Variants in GPR158 observed in about 807,000 individuals in gnomAD.
The protein encoded by GPR158 is G protein-coupled receptor 158.
In GPR158, 30 loss-of-function variants were observed where a neutral mutation model predicts 78.2. The ratio of observed to expected loss-of-function variants is 0.38; its 90% CI spans 0.29 to 0.52. The LOEUF is 0.52. Among genes scored for constraint, GPR158 ranks in the 20% least tolerant of loss-of-function variants. GPR158 has a pLI of 0.83. For missense variants in GPR158, 1,463 were observed against 1,523.5 expected (o/e 0.96, Z 0.66); for synonymous variants, 581 against 591.1 (o/e 0.98, Z 0.25).
chr10:25,545,897 C>T (rs765293432), intron 5 of GPR158, among the ~76,000 whole-genome samples: 5 of 152,064 alleles, frequency 3.3e-5, no homozygotes, highest in African/African-American at 4.8e-5. Context: ...TGCCCTCGTG[C>T]GCCTTTATAA....
chr10:25,204,642 G>A (rs1852990314), intron 1 of GPR158, among the ~76,000 whole-genome samples: 1 of 152,052 alleles, frequency 6.6e-6, no homozygotes, highest in African/African-American at 2.4e-5. Context: ...ATGTCCTGTT[G>A]GATTCGGTTT....
At chr10:25,461,339 G>T (rs1285436003) in intron 4 of GPR158, among the ~76,000 whole-genome samples, 3 of 152,210 alleles carry the variant, frequency 2.0e-5, no homozygotes. Flanking sequence ...GTGAACACAT[G>T]TATGATAAGA....
At chr10:25,372,479 C>A (rs1038898425) in intron 2 of GPR158, among the ~76,000 whole-genome samples, 1 of 144,078 alleles carries the variant, frequency 6.9e-6, no homozygotes, top group Non-Finnish European at 1.5e-5. Flanking sequence ...CAATGATAGA[C>A]TGGATTAAGA....
At chr10:25,541,334 G>C (rs796940174) in intron 5 of GPR158, among the ~76,000 whole-genome samples, 5 of 151,886 alleles carry the variant, frequency 3.3e-5, no homozygotes, top group African/African-American at 9.6e-5. Flanking sequence ...TACCAATTCT[G>C]TGTCTTGTGA....
At chr10:25,196,560 T>G (rs970370161) in intron 1 of GPR158, among the ~76,000 whole-genome samples, 1 of 152,206 alleles carries the variant, frequency 6.6e-6, no homozygotes, top group Non-Finnish European at 1.5e-5. Flanking sequence ...TAAAGTTAGG[T>G]GGGACGTATC....
intron 6 of GPR158, among the ~76,000 whole-genome samples, chr10:25,555,274 T>C (rs1390796048): frequency 6.6e-6 from 1 of 152,052 alleles, no homozygotes. Flanking sequence ...CATTGGTAGC[T>C]TGATGGGGAT....
At chr10:25,271,092 AC>A (rs1588768293) in intron 2 of GPR158, among the ~76,000 whole-genome samples, 1 of 152,100 alleles carries the variant, frequency 6.6e-6, no homozygotes, top group East Asian at 1.9e-4. Flanking sequence ...ACCTCAGGAC[AC>A]CTATGTGCCC....
At chr10:25,200,657 T>A (rs1474512954) in intron 1 of GPR158, among the ~76,000 whole-genome samples, 1 of 152,154 alleles carries the variant, frequency 6.6e-6, no homozygotes, top group Non-Finnish European at 1.5e-5. Context: ...TTTACTGATC[T>A]TGAATTGATT....
At chr10:25,593,612 A>C (rs934106929) in intron 8 of GPR158, among the ~76,000 whole-genome samples, 4 of 152,030 alleles carry the variant, frequency 2.6e-5, no homozygotes, top group Non-Finnish European at 5.9e-5. Flanking sequence ...ACTAGAGTAG[A>C]CCTTAGTATT....
Position 25,589,069 on chromosome 10 carries a change from G to A in GPR158, c.1816G>A (p.Ala606Thr), listed in dbSNP as rs1408350427. Residue 606 changes from alanine (A) to threonine (T), a missense_variant, in exon 8 of 11, where the codon GCA (alanine) becomes ACA (threonine). Ala to Thr is a moderately conservative substitution (Grantham distance 58). Coordinates refer to ENST00000376351, the MANE Select transcript of GPR158 (RefSeq NM_020752.3). Reference sequence around the variant, plus strand: ...CTATGCAGTGCGGACAGTCCCATCGGCATTCCATGAGCCCCGCTATATGGC... The same window carrying A: ...CTATGCAGTGCGGACAGTCCCATCGACATTCCATGAGCCCCGCTATATGGC... ...LCYAVRTVPS[A>T]FHEPRYMAVA... 1 of 1,611,584 alleles carries A rather than the reference G, an allele frequency of 6.2e-7. No individual in the cohort carries two copies. Among genetic ancestry groups the A allele is most frequent in the Admixed American group, 1.7e-5 (1 of 60,000 alleles).
intron 1 of GPR158, among the ~76,000 whole-genome samples, chr10:25,182,848 T>C (rs1233630947): frequency 1.3e-5 from 2 of 152,230 alleles, no homozygotes; most frequent in East Asian, 3.8e-4. Context: ...CTCTGTTCAG[T>C]GCTGATTTGG....
chr10:25,431,790 A>G (rs1257677716), intron 4 of GPR158, among the ~76,000 whole-genome samples: 1 of 152,128 alleles, frequency 6.6e-6, no homozygotes, highest in East Asian at 1.9e-4. Context: ...ATTCTCACTC[A>G]TATGTGGGAA....
At chr10:25,522,658 A>G (rs576084759) in intron 5 of GPR158, among the ~76,000 whole-genome samples, 2 of 152,364 alleles carry the variant, frequency 1.3e-5, no homozygotes, top group East Asian at 3.9e-4. Context: ...TACAAGTTTG[A>G]AAACTCACAA....
At position 25,212,876 on chromosome 10, in the gene GPR158, C is replaced by T. The variant is rs537857966; in HGVS notation, c.903-8176C>T. On this transcript the variant is annotated intron_variant, in intron 1 of 10. Transcript: ENST00000376351. Reference sequence around the variant, plus strand: ...CGAACTCCTGACCTTGTGATCCACCCGCCTTGGCCTCCCAAAGTGCTGGGA... The same window carrying T: ...CGAACTCCTGACCTTGTGATCCACCTGCCTTGGCCTCCCAAAGTGCTGGGA... Among the ~76,000 whole-genome samples, 37 of 152,186 alleles carry T rather than the reference C, an allele frequency of 2.4e-4. No homozygotes were observed. The East Asian group carries it at 3.7e-3, about 15-fold the overall frequency.
chr10:25,430,841 C>T (rs1221892964), intron 4 of GPR158, among the ~76,000 whole-genome samples: 3 of 151,698 alleles, frequency 2.0e-5, no homozygotes, highest in Non-Finnish European at 1.5e-5. Flanking sequence ...CCCTTCCTTA[C>T]ACCTTATACA....
chr10:25,180,448 T>G (rs1852598982), intron 1 of GPR158, among the ~76,000 whole-genome samples: 1 of 152,186 alleles, frequency 6.6e-6, no homozygotes, highest in Non-Finnish European at 1.5e-5. Flanking sequence ...CTGATTTCTA[T>G]CTCTTGATTC....
intron 3 of GPR158, among the ~76,000 whole-genome samples, chr10:25,396,879 G>A (rs921381703): frequency 5.3e-5 from 8 of 152,276 alleles, no homozygotes; most frequent in African/African-American, 1.9e-4. Flanking sequence ...AGGATTGTTG[G>A]AAGAATTCAG....
At position 25,599,321 on chromosome 10, in the gene GPR158, G is replaced by T; in HGVS notation, c.*47G>T. On this transcript the variant is annotated 3_prime_UTR_variant, in exon 11 of 11. Coordinates refer to ENST00000376351, the MANE Select transcript of GPR158 (RefSeq NM_020752.3). ...AAGGAGGGAACCCCGGATTGGATAT[G>T]AGACAGAAGATATAAGAATCAAATA... The T allele has an allele frequency of 7.6e-7, 1 of 1,310,582 alleles. No individual in the cohort carries two copies. Among genetic ancestry groups the T allele is most frequent in the South Asian group, 1.3e-5 (1 of 76,554 alleles). 81.2% of individuals were successfully genotyped at this position (1,310,582 alleles called of 1,614,324 possible). A position where few individuals can be genotyped will look rare whatever the true frequency, so the allele number is the denominator to read the frequency against.
Position 25,584,273 on chromosome 10 carries a change from C to A in GPR158, c.1754-4734C>A, listed in dbSNP as rs747678027. 8.6e-4 allele frequency among the ~76,000 whole-genome samples: 131 copies of A among 152,322 alleles called. 1 individual carries two copies. The highest frequency in any genetic ancestry group is 3.4e-3 in the Middle Eastern group (1 of 294). ...AACACCGCAAATTTGGTAACATCTGCATATTTTCTTTACTAATTGCAGTGC... is the reference window on the plus strand; with the variant it reads ...AACACCGCAAATTTGGTAACATCTGAATATTTTCTTTACTAATTGCAGTGC... On this transcript the variant is annotated intron_variant, in intron 7 of 10. Transcript: ENST00000376351.
Sources: allele counts gnomAD v4.1 joint callset (sites outside exome capture counted in the v4.1 genomes callset), GRCh38; gene constraint gnomAD v4.1.1; transcripts MANE v1.5; gene names NCBI Gene and HGNC (gene_info 2026-07-23, HGNC 2026-07-21).